The following MBOAT1 variants were observed in gnomAD, a reference collection of about 807,000 sequenced individuals.
MBOAT1 encodes membrane bound glycerophospholipid O-acyltransferase 1.
A neutral mutation model predicts 64.4 loss-of-function variants in MBOAT1; 67 were observed. The ratio of observed to expected loss-of-function variants is 1.04; its 90% CI spans 0.85 to 1.27. The LOEUF is 1.27. Among genes scored for constraint, MBOAT1 ranks in the 50% most tolerant of loss-of-function variants. The pLI is 0.00. For synonymous variants in MBOAT1, 229 were observed against 218.9 expected (o/e 1.05, Z -0.41); for missense variants, 563 against 604.6 (o/e 0.93, Z 0.72).
intron 1 of MBOAT1, among the ~76,000 whole-genome samples, chr6:20,198,795 G>C (rs1763037359): frequency 6.6e-6 from 1 of 152,158 alleles, no homozygotes; most frequent in East Asian, 1.9e-4. Context: ...TAGCCCACTA[G>C]CTTCCTCAGG....
intron 4 of MBOAT1, among the ~76,000 whole-genome samples, chr6:20,134,902 C>CTTTTTT (rs3057688): frequency 4.8e-5 from 5 of 104,732 alleles, no homozygotes; most frequent in African/African-American, 1.1e-4. Flanking sequence ...AATTCATGTT[C>CTTTTTT]TTTTTTTTTT....
Position 20,108,260 on chromosome 6 carries a change from C to A in MBOAT1, c.1361+1338G>T, listed in dbSNP as rs1278968325. Among the ~76,000 whole-genome samples the A allele has an allele frequency of 2.6e-5, 4 of 152,216 alleles. No homozygotes were observed. In the East Asian group the frequency reaches 7.7e-4, roughly 29 times the overall value. On this transcript the variant is annotated intron_variant, in intron 12 of 12. Coordinates refer to ENST00000324607, the MANE Select transcript of MBOAT1 (RefSeq NM_001080480.3). ...ATGGCCACACATGTTGGGTTTCTCA[C>A]CTAGGACTGAAATGACTCCTACCTC... is the stretch of plus-strand genomic sequence containing the variant.
chr6:20,119,983 T>A (rs929993015), intron 8 of MBOAT1, among the ~76,000 whole-genome samples: 2 of 123,064 alleles, frequency 1.6e-5, no homozygotes, highest in Non-Finnish European at 3.4e-5. Context: ...ATGATAACTA[T>A]CTTTTCTGTG....
intron 4 of MBOAT1, 54 bp downstream of exon 4, chr6:20,144,166 G>T: frequency 1.7e-6 from 2 of 1,200,784 alleles, no homozygotes; most frequent in Non-Finnish European, 1.2e-6. Context: ...CAGACCCCAA[G>T]AGACCAAGTC....
At chr6:20,169,942 T>C (rs556653078) in intron 1 of MBOAT1, among the ~76,000 whole-genome samples, 1 of 152,316 alleles carries the variant, frequency 6.6e-6, no homozygotes, top group East Asian at 1.9e-4. Flanking sequence ...ACTATCTCCT[T>C]TCTTGCAAAG....
intron 1 of MBOAT1, among the ~76,000 whole-genome samples, chr6:20,175,813 AG>A (rs1762328052): frequency 1.3e-5 from 2 of 152,016 alleles, no homozygotes; most frequent in Admixed American, 1.3e-4. Context: ...TAAGTTTCGT[AG>A]GCTGGTCTCT....
intron 3 of MBOAT1, among the ~76,000 whole-genome samples, chr6:20,145,039 T>A (rs567101099): frequency 1.3e-5 from 2 of 152,260 alleles, no homozygotes; most frequent in African/African-American, 4.8e-5. Context: ...CACATATAAG[T>A]ACTTGTCAAA....
At chr6:20,106,717 C>T (rs771668709) in intron 12 of MBOAT1, among the ~76,000 whole-genome samples, 21 of 152,084 alleles carry the variant, frequency 1.4e-4, no homozygotes, top group Non-Finnish European at 2.9e-4. Flanking sequence ...CCACCGCGCC[C>T]GACCATCATA....
chr6:20,186,913 T>C (rs1287111941), intron 1 of MBOAT1, among the ~76,000 whole-genome samples: 2 of 152,244 alleles, frequency 1.3e-5, no homozygotes, highest in Non-Finnish European at 2.9e-5. Flanking sequence ...CTTTCAGCTT[T>C]AAGCAAAACC....
chr6:20,202,668 G>A (rs1763156946), intron 1 of MBOAT1, among the ~76,000 whole-genome samples: 1 of 147,442 alleles, frequency 6.8e-6, no homozygotes, highest in Non-Finnish European at 1.5e-5. Flanking sequence ...TAATCTTTTT[G>A]CAGATAGTTA....
intron 1 of MBOAT1, among the ~76,000 whole-genome samples, chr6:20,160,054 A>AG (rs1761805230): frequency 1.3e-5 from 2 of 152,342 alleles, no homozygotes; most frequent in Middle Eastern, 3.4e-3. Flanking sequence ...GCTCAGATTC[A>AG]GCAAAAGCTC....
chr6:20,178,901 A>G (rs968332654), intron 1 of MBOAT1, among the ~76,000 whole-genome samples: 1 of 151,624 alleles, frequency 6.6e-6, no homozygotes, highest in Non-Finnish European at 1.5e-5. Flanking sequence ...TAAAATTCTA[A>G]CTCAAAAATT....
At chr6:20,137,760 A>G (rs999737095) in intron 4 of MBOAT1, among the ~76,000 whole-genome samples, 1 of 152,100 alleles carries the variant, frequency 6.6e-6, no homozygotes, top group African/African-American at 2.4e-5. Flanking sequence ...TAACACAAAC[A>G]CTAACCTCAT....
intron 1 of MBOAT1, among the ~76,000 whole-genome samples, chr6:20,205,397 G>C (rs1218207861): frequency 1.3e-5 from 2 of 152,170 alleles, no homozygotes; most frequent in Non-Finnish European, 2.9e-5. Context: ...AGGCCAAGCT[G>C]TGAAGAATCA....
At position 20,128,731 on chromosome 6, in the gene MBOAT1, G is replaced by T; in HGVS notation, c.498C>A (p.Asp166Glu). 2 of 1,610,504 alleles carry T rather than the reference G, an allele frequency of 1.2e-6. No homozygotes were observed. Among genetic ancestry groups the T allele is most frequent in the Non-Finnish European group, 1.7e-6 (2 of 1,178,638 alleles). ...VHDGLGRRAE[D>E]LSAEQHRLAI... ...CAAGTCGATGTTGTTCAGCAGAAAGGTCTTCAGCTCTTCGACCTAATCCTA... is the reference window on the plus strand; with the variant it reads ...CAAGTCGATGTTGTTCAGCAGAAAGTTCTTCAGCTCTTCGACCTAATCCTA... Residue 166 changes from aspartate (D) to glutamate (E), a missense_variant, in exon 6 of 13, where the codon GAC (aspartate) becomes GAA (glutamate). By Grantham distance (45) the Asp-to-Glu change is conservative (BLOSUM62 2). Coordinates refer to ENST00000324607, the MANE Select transcript of MBOAT1 (RefSeq NM_001080480.3).
At chr6:20,161,150 A>G (rs556089283) in intron 1 of MBOAT1, among the ~76,000 whole-genome samples, 1 of 152,062 alleles carries the variant, frequency 6.6e-6, no homozygotes, top group Non-Finnish European at 1.5e-5. Context: ...GATCAGCAGC[A>G]GCATTAGATT....
intron 1 of MBOAT1, among the ~76,000 whole-genome samples, chr6:20,205,737 C>T (rs145090126): frequency 4.6e-5 from 7 of 152,104 alleles, no homozygotes; most frequent in Admixed American, 4.6e-4. Context: ...ACATTCAATG[C>T]CCTCAGACTG....
intron 7 of MBOAT1, among the ~76,000 whole-genome samples, chr6:20,125,003 G>T (rs1224722020): frequency 6.6e-6 from 1 of 152,192 alleles, no homozygotes; most frequent in Non-Finnish European, 1.5e-5. Context: ...AAATGGGCTT[G>T]AATCACCAGT....
chr6:20,199,909 A>G (rs1763071776), intron 1 of MBOAT1, among the ~76,000 whole-genome samples: 2 of 152,214 alleles, frequency 1.3e-5, no homozygotes, highest in African/African-American at 4.8e-5. Flanking sequence ...CGGAGGTTGC[A>G]GTGAGCCAAG....
Sources: gnomAD v4.1 joint callset for allele counts (sites outside exome capture counted in the v4.1 genomes callset) on GRCh38, gnomAD v4.1.1 for gene constraint, MANE v1.5 for transcripts, NCBI Gene and HGNC (gene_info 2026-07-23, HGNC 2026-07-21) for gene names.